Variants in SLC24A2 observed in about 807,000 individuals in gnomAD.
SLC24A2 encodes the protein solute carrier family 24 member 2, also known as sodium/potassium/calcium exchanger 2.
SLC24A2 carries 36 observed loss-of-function variants against 62.0 expected under a neutral mutation model. The observed-to-expected ratio is 0.58, with a 90% CI of 0.44 to 0.77. The LOEUF is 0.77. SLC24A2 is among the 30% of genes least tolerant of loss of function. SLC24A2 has a pLI of 0.00. For missense variants in SLC24A2, 846 were observed against 817.9 expected (o/e 1.03, Z -0.42); for synonymous variants, 358 against 294.0 (o/e 1.22, Z -2.23).
the SLC24A2 span, among the ~76,000 whole-genome samples, chr9:20,025,003 A>C: frequency 6.6e-6 from 1 of 152,182 alleles, no homozygotes. Context: ...GTGGTGTTCA[A>C]AGCTTTTTGA....
chr9:20,238,531 T>C, the SLC24A2 span, among the ~76,000 whole-genome samples: 1 of 152,118 alleles, frequency 6.6e-6, no homozygotes, highest in Non-Finnish European at 1.5e-5. Flanking sequence ...ATTAAGTTAG[T>C]CAGAAAATAC....
chr9:19,645,387 A>T (rs2118112307), intron 2 of SLC24A2, among the ~76,000 whole-genome samples: 1 of 152,208 alleles, frequency 6.6e-6, no homozygotes, highest in East Asian at 1.9e-4. Flanking sequence ...GTTACAACTA[A>T]TATTCGGGGC....
the SLC24A2 span, among the ~76,000 whole-genome samples, chr9:20,170,412 C>T: frequency 4.6e-5 from 7 of 152,046 alleles, no homozygotes; most frequent in African/African-American, 1.4e-4. Context: ...CCTCGGTGTC[C>T]CTCCCCCATG....
chr9:19,635,835 C>T (rs1464053899), intron 2 of SLC24A2, among the ~76,000 whole-genome samples: 8 of 152,242 alleles, frequency 5.3e-5, no homozygotes, highest in Admixed American at 2.6e-4. Context: ...TGCCTTTAAA[C>T]GTTTCATATG....
chr9:20,223,025 A>T, the SLC24A2 span, among the ~76,000 whole-genome samples: 2 of 152,184 alleles, frequency 1.3e-5, no homozygotes, highest in Admixed American at 1.3e-4. Flanking sequence ...AAAAGAGTCT[A>T]TACAAAGTTA....
chr9:20,210,799 C>T, the SLC24A2 span, among the ~76,000 whole-genome samples: 1 of 150,262 alleles, frequency 6.7e-6, no homozygotes, highest in African/African-American at 2.4e-5. Context: ...CCACCGCGCC[C>T]GGCCACAGAA....
At chr9:19,982,063 G>C in the SLC24A2 span, among the ~76,000 whole-genome samples, 1 of 152,270 alleles carries the variant, frequency 6.6e-6, no homozygotes, top group Admixed American at 6.5e-5. Flanking sequence ...ATTGCAATGA[G>C]TGAATAATGC....
At chr9:19,874,106 G>A in the SLC24A2 span, among the ~76,000 whole-genome samples, 5 of 120,530 alleles carry the variant, frequency 4.1e-5, no homozygotes, top group Non-Finnish European at 6.4e-5. Context: ...TTGAGACAGA[G>A]TCTGGCTCTG....
chr9:19,909,576 T>C, the SLC24A2 span, among the ~76,000 whole-genome samples: 1 of 152,172 alleles, frequency 6.6e-6, no homozygotes, highest in Non-Finnish European at 1.5e-5. Flanking sequence ...GAGAAATGAC[T>C]AGGAATATAT....
the SLC24A2 span, among the ~76,000 whole-genome samples, chr9:19,906,674 C>A: frequency 6.6e-6 from 1 of 152,144 alleles, no homozygotes; most frequent in Non-Finnish European, 1.5e-5. Flanking sequence ...GAAATACAAA[C>A]TACCATCAGA....
the SLC24A2 span, among the ~76,000 whole-genome samples, chr9:19,910,393 A>C: frequency 6.6e-6 from 1 of 152,166 alleles, no homozygotes; most frequent in Non-Finnish European, 1.5e-5. Context: ...TGGTTATTAT[A>C]ACTGGCCTTC....
At chr9:20,189,543 T>C in the SLC24A2 span, among the ~76,000 whole-genome samples, 19 of 152,194 alleles carry the variant, frequency 1.2e-4, no homozygotes, top group Non-Finnish European at 2.6e-4. Flanking sequence ...GTCAGATCTG[T>C]CTAGACCATG....
chr9:19,722,256 C>T (rs938336557), intron 2 of SLC24A2, among the ~76,000 whole-genome samples: 1 of 152,102 alleles, frequency 6.6e-6, no homozygotes, highest in Non-Finnish European at 1.5e-5. Context: ...ATACCATCTT[C>T]AAGAGTGTTC....
At chr9:19,781,516 G>C (rs538001313) in intron 2 of SLC24A2, among the ~76,000 whole-genome samples, 7 of 152,050 alleles carry the variant, frequency 4.6e-5, no homozygotes, top group Non-Finnish European at 1.0e-4. Flanking sequence ...AAATCCACTG[G>C]GCCCTTCTGG....
chr9:19,844,234 G>C, the SLC24A2 span, among the ~76,000 whole-genome samples: 1 of 151,994 alleles, frequency 6.6e-6, no homozygotes, highest in Non-Finnish European at 1.5e-5. Flanking sequence ...GGAGTGAGAT[G>C]GTATCTCATT....
chr9:20,076,165 C>T, the SLC24A2 span, among the ~76,000 whole-genome samples: 3 of 151,866 alleles, frequency 2.0e-5, no homozygotes, highest in African/African-American at 7.3e-5. Context: ...ATACAGAGGG[C>T]CGGCTACATG....
intron 2 of SLC24A2, among the ~76,000 whole-genome samples, chr9:19,765,489 C>T (rs918944177): frequency 6.6e-6 from 1 of 152,144 alleles, no homozygotes; most frequent in Non-Finnish European, 1.5e-5. Flanking sequence ...TAAGGCAGGC[C>T]TGGTGGTGAC....
the SLC24A2 span, among the ~76,000 whole-genome samples, chr9:19,908,159 A>G: frequency 6.6e-6 from 1 of 152,250 alleles, no homozygotes. Context: ...GGAGCAGAAC[A>G]GAGCCCTCAG....
the SLC24A2 span, among the ~76,000 whole-genome samples, chr9:20,209,614 C>G: frequency 1.3e-5 from 2 of 152,178 alleles, no homozygotes; most frequent in East Asian, 1.9e-4. Flanking sequence ...GACCTGAGAG[C>G]TTTCACAAGT....
Sources: allele counts gnomAD v4.1 joint callset (sites outside exome capture counted in the v4.1 genomes callset), GRCh38; gene constraint gnomAD v4.1.1; transcripts MANE v1.5; gene names NCBI Gene and HGNC (gene_info 2026-07-23, HGNC 2026-07-21).